TOP2A: variants seen among roughly 807,000 people sequenced by gnomAD.
TOP2A encodes DNA topoisomerase II alpha, also known as DNA topoisomerase 2-alpha.
Under a neutral mutation model 187.2 loss-of-function variants are expected in TOP2A, and 68 were observed. The ratio of observed to expected loss-of-function variants is 0.36; its 90% CI spans 0.30 to 0.44. The LOEUF (loss-of-function observed/expected upper bound fraction) is 0.44, where lower values mean the gene tolerates loss of function less well. Among genes scored for constraint, TOP2A ranks in the 20% least tolerant of loss-of-function variants. The probability of loss-of-function intolerance (pLI) is 1.00; values close to 1 mark genes in which losing one functional copy is unlikely to be tolerated. For synonymous variants in TOP2A, 542 were observed against 593.2 expected (o/e 0.91, Z 1.25); for missense variants, 1,196 against 1,808.7 (o/e 0.66, Z 6.14).
intron 7 of TOP2A, among the ~76,000 whole-genome samples, chr17:40,412,370 G>A (rs1320762633): frequency 6.6e-6 from 1 of 152,196 alleles, no homozygotes; most frequent in Admixed American, 6.5e-5. Context: ...GTTGGGCCAG[G>A]TGCAGTGGCT....
chr17:40,400,738 T>G, intron 21 of TOP2A, 75 bp from the exon 22 acceptor site: 1 of 1,540,248 alleles, frequency 6.5e-7, no homozygotes, highest in Admixed American at 2.0e-5. Flanking sequence ...CGTTTAACAA[T>G]AAATCTAAAG....
intron 29 of TOP2A, among the ~76,000 whole-genome samples, chr17:40,395,066 C>T (rs952791164): frequency 2.1e-4 from 32 of 152,064 alleles, no homozygotes; most frequent in African/African-American, 7.5e-4. Context: ...GGGCAAATCA[C>T]AAGGTCAGGA....
chr17:40,416,734 T>C lies in TOP2A; in HGVS notation c.177+6A>G, dbSNP rs376541587. ...GGTTAACTGCCTTTGATGAGCTTGA[T>C]TTTACCTGGGTCACTAATTCCACAG... On this transcript the variant is annotated splice_donor_region_variant and intron_variant, in intron 2 of 34. Transcript: ENST00000423485. 1.9e-6 allele frequency: 3 copies of C among 1,604,944 alleles called. No individual in the cohort carries two copies. The highest frequency in any genetic ancestry group is 2.5e-6 in the Non-Finnish European group (3 of 1,177,322).
At position 40,408,616 on chromosome 17, in the gene TOP2A, A is replaced by AGG; in HGVS notation, c.1217_1218insCC (p.Ile407LeufsTer3). The AGG allele has an allele frequency of 6.2e-7, 1 of 1,613,890 alleles. No individual in the cohort carries two copies. Among genetic ancestry groups the AGG allele is most frequent in the East Asian group, 2.2e-5 (1 of 44,860 alleles). ...CCCAGTTTAGTATGCTTTCTACAAT[A>AGG]CCACAGCCAATGGCCTGAAAACGAG... On this transcript the variant is annotated frameshift_variant, in exon 11 of 35. Coordinates refer to ENST00000423485, the MANE Select transcript of TOP2A (RefSeq NM_001067.4). LOFTEE classifies it high-confidence loss of function.
At chr17:40,402,648 G>T (rs754543072) in intron 20 of TOP2A, among the ~76,000 whole-genome samples, 6 of 152,134 alleles carry the variant, frequency 3.9e-5, no homozygotes, top group Non-Finnish European at 8.8e-5. Flanking sequence ...AATTTCAATT[G>T]TGATATTTAG....
intron 29 of TOP2A, 78 bp downstream of exon 29, chr17:40,395,371 C>A: frequency 6.9e-6 from 5 of 723,052 alleles, no homozygotes; most frequent in South Asian, 2.0e-5. Context: ...AGGTTTTGAA[C>A]ATCTATGTGG....
chr17:40,406,275 C>T (rs890671302), intron 16 of TOP2A, 109 bp downstream of exon 16: 3 of 750,468 alleles, frequency 4.0e-6, no homozygotes, highest in Non-Finnish European at 6.2e-6. Flanking sequence ...TTCTATAAAA[C>T]ATTCTTTTTT....
chr17:40,407,912 TAA>T, intron 12 of TOP2A, 53 bp downstream of exon 12: 3 of 1,510,262 alleles, frequency 2.0e-6, no homozygotes, highest in Non-Finnish European at 1.8e-6. Context: ...AATATAAGCA[TAA>T]AGTCTTGTAT....
At chr17:40,398,245 TG>T (rs1002554965) in intron 27 of TOP2A, among the ~76,000 whole-genome samples, 36 of 150,796 alleles carry the variant, frequency 2.4e-4, no homozygotes, top group African/African-American at 7.0e-4. Context: ...CCTGAGTAAC[TG>T]GTATGCACCA....
In TOP2A at chr17:40,392,754, A is replaced by C; in HGVS notation, c.3812-17T>G. The C allele has an allele frequency of 6.3e-7, 1 of 1,594,376 alleles. No individual in the cohort carries two copies. The highest frequency in any genetic ancestry group is 8.5e-7 in the Non-Finnish European group (1 of 1,173,518). Reference sequence around the variant, plus strand: ...TCTTTGTACCTAGAGGGGAGATAGAAATTAATCACCTTTATATATTAGACC... The same window carrying C: ...TCTTTGTACCTAGAGGGGAGATAGACATTAATCACCTTTATATATTAGACC... On this transcript the variant is annotated splice_polypyrimidine_tract_variant and intron_variant, in intron 29 of 34. Transcript: ENST00000423485.
At chr17:40,416,997 T>C in intron 1 of TOP2A, 102 bp from the exon 2 acceptor site, 2 of 1,016,688 alleles carry the variant, frequency 2.0e-6, no homozygotes, top group South Asian at 1.7e-5. Flanking sequence ...CAACATGCAT[T>C]GCAATCTGTT....
chr17:40,417,819 C>T lies in TOP2A; in HGVS notation c.-28G>A. 1.2e-6 allele frequency: 2 copies of T among 1,613,330 alleles called. No homozygotes were observed. Among genetic ancestry groups the T allele is most frequent in the Non-Finnish European group, 8.5e-7 (1 of 1,179,772 alleles). On this transcript the variant is annotated 5_prime_UTR_variant, in exon 1 of 35. Coordinates refer to ENST00000423485, the MANE Select transcript of TOP2A (RefSeq NM_001067.4). The stretch of plus-strand genomic sequence containing the variant: ...TGACGGTCGTGAAGGGGCTCAAGAA[C>T]CCTGAAAGCGACTAAACAGGCAGGA...
At position 40,411,061 on chromosome 17, in the gene TOP2A, GAA is replaced by G; in HGVS notation, c.1203+46_1203+47del. 6.6e-7 allele frequency: 1 copy of G among 1,523,066 alleles called. No individual in the cohort carries two copies. Among genetic ancestry groups the G allele is most frequent in the Non-Finnish European group, 8.8e-7 (1 of 1,135,826 alleles). 94.3% of individuals were successfully genotyped at this position (1,523,066 alleles called of 1,614,324 possible). On this transcript the variant is annotated intron_variant, in intron 10 of 34. Coordinates refer to ENST00000423485, the MANE Select transcript of TOP2A (RefSeq NM_001067.4). This position sits in a 1 kb window ranked among gnomAD's most constrained non-coding sequence, Gnocchi z 4.4. ...TTCTGCAGAGCTAAGAAGTGCAATG[GAA>G]AATAAAGTCAGGTGTTTCTATTTTT...
rs536045683 is a variant in TOP2A, at chr17:40,393,601, C to T, written c.3812-864G>A. ...ACATTTATAGTCAATTGATTTTTGA[C>T]AAGGGTGAAGACAAACATTGTAGAA... On this transcript the variant is annotated intron_variant, in intron 29 of 34. Coordinates refer to ENST00000423485, the MANE Select transcript of TOP2A (RefSeq NM_001067.4). Among the ~76,000 whole-genome samples, 10 of 152,234 alleles carry T rather than the reference C, an allele frequency of 6.6e-5. No individual in the cohort carries two copies. In the South Asian group the frequency reaches 2.1e-3, roughly 32 times the overall value.
At chr17:40,391,968 C>A in intron 32 of TOP2A, 100 bp downstream of exon 32, 1 of 1,310,598 alleles carries the variant, frequency 7.6e-7, no homozygotes, top group Non-Finnish European at 1.0e-6. Context: ...AAATTTATTT[C>A]CAAAGGAAGT....
chr17:40,417,047 A>G (rs539328830), intron 1 of TOP2A, among the ~76,000 whole-genome samples, 152 bp from the exon 2 acceptor site: 2 of 152,292 alleles, frequency 1.3e-5, no homozygotes, highest in Non-Finnish European at 2.9e-5. Flanking sequence ...TACAAATAGG[A>G]CAATTTAAAT....
In TOP2A at chr17:40,389,544, T is replaced by A. The variant is rs997760271; in HGVS notation, c.4571A>T (p.Glu1524Val). The change falls in exon 35 of 35, where the codon GAG becomes GTG. Residue 1524 changes from glutamate to valine, a missense_variant. Around this residue, in one of 10 missense-constraint regions of TOP2A, gnomAD observed 374 missense variants for 403.3 expected, o/e 0.93. Transcript: ENST00000423485. The part of the protein sequence containing the change: ...RAKKPIKYLE[E>V]SDEDDLF Reference sequence around the variant, plus strand: ...TTAAAACAGATCATCTTCATCTGACTCTTCCAGGTACTTTATAGGTTTCTT... The same window carrying A: ...TTAAAACAGATCATCTTCATCTGACACTTCCAGGTACTTTATAGGTTTCTT... 1 of 1,595,560 alleles carries A rather than the reference T, an allele frequency of 6.3e-7. No individual in the cohort carries two copies. Among genetic ancestry groups the A allele is most frequent in the Non-Finnish European group, 8.5e-7 (1 of 1,170,222 alleles).
chr17:40,416,200 A>G, intron 3 of TOP2A, 132 bp from the exon 4 acceptor site: 3 of 813,236 alleles, frequency 3.7e-6, no homozygotes, highest in Non-Finnish European at 5.9e-6. Flanking sequence ...TAATTTAGCA[A>G]TTTTTGTCCA....
At chr17:40,398,740 T>G in intron 26 of TOP2A, 33 bp downstream of exon 26, 1 of 1,605,516 alleles carries the variant, frequency 6.2e-7, no homozygotes, top group Non-Finnish European at 8.5e-7. Flanking sequence ...AGAACAAAAC[T>G]AAGCAGCATG....
Sources: gnomAD v4.1 joint callset for allele counts (sites outside exome capture counted in the v4.1 genomes callset) on GRCh38, gnomAD v4.1.1 for gene constraint, gnomAD v4.1.1 regional missense constraint, Gnocchi (gnomAD v3.1) non-coding constraint, MANE v1.5 for transcripts, NCBI Gene and HGNC (gene_info 2026-07-23, HGNC 2026-07-21) for gene names.